The following SLC43A1 variants were observed in gnomAD, a reference collection of about 807,000 sequenced individuals.
The protein encoded by SLC43A1 is solute carrier family 43 member 1.
SLC43A1 carries 31 observed loss-of-function variants against 59.5 expected under a neutral mutation model. The ratio of observed to expected loss-of-function variants is 0.52; its 90% CI spans 0.39 to 0.70. The LOEUF (loss-of-function observed/expected upper bound fraction) is 0.70, where lower values mean the gene tolerates loss of function less well. Among genes scored for constraint, SLC43A1 ranks in the 30% least tolerant of loss-of-function variants. The pLI is 0.00. For missense variants in SLC43A1, 598 were observed against 717.8 expected (o/e 0.83, Z 1.91); for synonymous variants, 259 against 290.9 (o/e 0.89, Z 1.12).
At chr11:57,496,359 T>C (rs1048283133) in intron 6 of SLC43A1, among the ~76,000 whole-genome samples, 195 bp from the exon 7 acceptor site, 5 of 152,210 alleles carry the variant, frequency 3.3e-5, no homozygotes, top group Non-Finnish European at 7.4e-5. Context: ...TCTTTTTCAC[T>C]TGAGGCCCCC....
At chr11:57,501,091 C>A (rs745637308) in intron 3 of SLC43A1, 48 bp from the exon 4 acceptor site, 5 of 1,607,996 alleles carry the variant, frequency 3.1e-6, no homozygotes, top group Middle Eastern at 1.7e-4. Context: ...GAGCACCCCC[C>A]CTCCCCTCCC....
chr11:57,509,978 T>G (rs1035316689), intron 2 of SLC43A1, among the ~76,000 whole-genome samples: 1 of 152,154 alleles, frequency 6.6e-6, no homozygotes, highest in African/African-American at 2.4e-5. Flanking sequence ...AAAGAACTCT[T>G]ACATCTCAGT....
chr11:57,485,196 G>T lies in SLC43A1; in HGVS notation c.1580C>A (p.Pro527His). Residue 527 changes from proline to histidine, a missense_variant, in exon 15 of 15, where the codon CCT becomes CAT. By Grantham distance (77) the Pro-to-His change is moderately conservative. Coordinates refer to ENST00000278426, the MANE Select transcript of SLC43A1 (RefSeq NM_003627.6). ...GGCACGGTAATAGAAGAGGTAGGAA[G>T]GCAACAGGAATCCCAGGAGTGAGAA... ...LLFSLLGFLL[P>H]SYLFYYRARL... The T allele has an allele frequency of 3.7e-6, 6 of 1,613,990 alleles. No homozygotes were observed. Among genetic ancestry groups the T allele is most frequent in the Non-Finnish European group, 5.1e-6 (6 of 1,179,956 alleles).
intron 6 of SLC43A1, 80 bp downstream of exon 6, chr11:57,497,673 G>T: frequency 9.9e-7 from 1 of 1,012,122 alleles, no homozygotes; most frequent in East Asian, 2.5e-5. Flanking sequence ...TCAGACCCGT[G>T]GGTCAGCACT....
intron 10 of SLC43A1, 111 bp downstream of exon 10, chr11:57,491,480 A>C: frequency 1.9e-6 from 3 of 1,574,190 alleles, no homozygotes; most frequent in East Asian, 4.5e-5. Context: ...AGACTCTTAC[A>C]TCCCACAAAA....
At chr11:57,513,385 A>G (rs1038337578) in intron 2 of SLC43A1, among the ~76,000 whole-genome samples, 1 of 152,234 alleles carries the variant, frequency 6.6e-6, no homozygotes, top group East Asian at 1.9e-4. Context: ...CAGACAGCCT[A>G]TGGCTGTAGT....
At chr11:57,497,368 T>C (rs537374438) in intron 6 of SLC43A1, among the ~76,000 whole-genome samples, 14 of 152,156 alleles carry the variant, frequency 9.2e-5, no homozygotes, top group Non-Finnish European at 2.1e-4. Context: ...CCATCCTCTC[T>C]GGAAGGTGTG....
At position 57,484,923 on chromosome 11, in the gene SLC43A1, G is replaced by C; in HGVS notation, c.*173C>G. Reference sequence around the variant, plus strand: ...CGTTGACTTAGGGGGCGTTTTTGAAGGTTTTTTTTCCTCCTTTTTGCAGTC... The same window carrying C: ...CGTTGACTTAGGGGGCGTTTTTGAACGTTTTTTTTCCTCCTTTTTGCAGTC... On this transcript the variant is annotated 3_prime_UTR_variant, in exon 15 of 15. Coordinates refer to ENST00000278426, the MANE Select transcript of SLC43A1 (RefSeq NM_003627.6). 1.3e-6 allele frequency: 1 copy of C among 789,956 alleles called. No individual in the cohort carries two copies. Among genetic ancestry groups the C allele is most frequent in the South Asian group, 2.2e-5 (1 of 45,294 alleles). The allele number at this position is 789,956 out of a possible 1,614,324, so 48.9% of individuals were successfully genotyped here.
chr11:57,485,356 G>C, intron 14 of SLC43A1, 114 bp from the exon 15 acceptor site: 2 of 919,694 alleles, frequency 2.2e-6, no homozygotes, highest in Non-Finnish European at 3.2e-6. Context: ...AATAAATACA[G>C]CTAGTACTTA....
chr11:57,491,924 A>G, intron 8 of SLC43A1, 62 bp from the exon 9 acceptor site: 1 of 1,528,800 alleles, frequency 6.5e-7, no homozygotes, highest in South Asian at 1.1e-5. Context: ...TGATTGTCCC[A>G]GCTCATGCAG....
At chr11:57,507,680 T>C (rs529989646) in intron 2 of SLC43A1, among the ~76,000 whole-genome samples, 258 of 152,262 alleles carry the variant, frequency 1.7e-3, no homozygotes, top group Non-Finnish European at 2.7e-3. Flanking sequence ...AATGAGTTCC[T>C]CATTTGTTGA....
rs751595631 is a variant in SLC43A1, at chr11:57,501,085, AC to A, written c.333-43del. ...AAGGGCGAGGGGTTGGCCTGTGAGCACCCCCCCTCCCCTCCCCCTGCAGCAC... is the reference window on the plus strand; with the variant it reads ...AAGGGCGAGGGGTTGGCCTGTGAGCACCCCCCTCCCCTCCCCCTGCAGCAC... On this transcript the variant is annotated intron_variant, in intron 3 of 14. Transcript: ENST00000278426. 91 of 1,602,740 alleles carry A rather than the reference AC, an allele frequency of 5.7e-5. 1 individual carries two copies. Among genetic ancestry groups the A allele is most frequent in the African/African-American group, 8.2e-5 (6 of 73,576 alleles).
At chr11:57,491,130 G>A in intron 11 of SLC43A1, 94 bp downstream of exon 11, 5 of 1,409,604 alleles carry the variant, frequency 3.5e-6, no homozygotes, top group Non-Finnish European at 4.7e-6. Context: ...GGGTTCTTGG[G>A]AGAAAGCAAC....
intron 5 of SLC43A1, 97 bp downstream of exon 5, chr11:57,500,682 C>G: frequency 9.6e-7 from 1 of 1,046,652 alleles, no homozygotes; most frequent in East Asian, 2.5e-5. Flanking sequence ...GTCCACAGGC[C>G]CCTCCCCCAG....
Position 57,496,179 on chromosome 11 carries a change from G to C in SLC43A1, c.559-15C>G. 1 of 1,613,500 alleles carries C rather than the reference G, an allele frequency of 6.2e-7. No individual in the cohort carries two copies. Among genetic ancestry groups the C allele is most frequent in the Non-Finnish European group, 8.5e-7 (1 of 1,179,742 alleles). On this transcript the variant is annotated splice_polypyrimidine_tract_variant and intron_variant, in intron 6 of 14. Transcript: ENST00000278426. Reference sequence around the variant, plus strand: ...TCGTAGATCAGCTGTGAGAGGAGGGGGCAGGCCCGTGGGGGAGACTGCCTG... The same window carrying C: ...TCGTAGATCAGCTGTGAGAGGAGGGCGCAGGCCCGTGGGGGAGACTGCCTG...
At position 57,491,473 on chromosome 11, in the gene SLC43A1, C is replaced by T. The variant is rs1439708002; in HGVS notation, c.1055-111G>A. 3.2e-6 allele frequency: 5 copies of T among 1,569,642 alleles called. No homozygotes were observed. In the East Asian group the frequency reaches 6.8e-5, roughly 21 times the overall value. On this transcript the variant is annotated intron_variant, in intron 10 of 14. Coordinates refer to ENST00000278426, the MANE Select transcript of SLC43A1 (RefSeq NM_003627.6). ...AAAATAGCCTTCCTCTGAACCCAGA[C>T]TCTTACATCCCACAAAAGGGTTACC...
intron 2 of SLC43A1, among the ~76,000 whole-genome samples, chr11:57,511,409 C>T (rs1944542010): frequency 6.6e-6 from 1 of 151,686 alleles, no homozygotes; most frequent in Non-Finnish European, 1.5e-5. Flanking sequence ...GCCTGGGTCA[C>T]TGAGTGAGAG....
In SLC43A1 at chr11:57,491,703, A is replaced by G. The variant is rs1943909254; in HGVS notation, c.1018+13T>C. On this transcript the variant is annotated intron_variant, in intron 9 of 14. Coordinates refer to ENST00000278426, the MANE Select transcript of SLC43A1 (RefSeq NM_003627.6). The stretch of plus-strand genomic sequence containing the variant: ...TGTGCCCCCAACCCCCAGGGGCCTC[A>G]GCGGTGCCTCACCATGCTCCTGGCC... 2 of 1,614,118 alleles carry G rather than the reference A, an allele frequency of 1.2e-6. No homozygotes were observed. The highest frequency in any genetic ancestry group is 2.7e-5 in the African/African-American group (2 of 74,950).
intron 2 of SLC43A1, 73 bp from the exon 3 acceptor site, chr11:57,501,402 T>C (rs774539163): frequency 6.6e-7 from 1 of 1,516,006 alleles, no homozygotes; most frequent in South Asian, 1.1e-5. Flanking sequence ...CAGCCCACAG[T>C]CAGGCGGCCT....
Sources: gnomAD v4.1 joint callset for allele counts (sites outside exome capture counted in the v4.1 genomes callset) on GRCh38, gnomAD v4.1.1 for gene constraint, MANE v1.5 for transcripts, NCBI Gene and HGNC (gene_info 2026-07-23, HGNC 2026-07-21) for gene names.